TENM2: variants seen among roughly 807,000 people sequenced by gnomAD.
TENM2 encodes the protein teneurin-2.
In TENM2, 52 loss-of-function variants were observed where a neutral mutation model predicts 245.2. That is an observed-to-expected ratio of 0.21 (90% CI 0.17 to 0.27). The LOEUF (loss-of-function observed/expected upper bound fraction) is 0.27, where lower values mean the gene tolerates loss of function less well. TENM2 is among the 10% of genes least tolerant of loss of function. The pLI is 1.00. For synonymous variants in TENM2, 1,363 were observed against 1,438.9 expected (o/e 0.95, Z 1.19); for missense variants, 3,046 against 3,666.8 (o/e 0.83, Z 4.37).
chr5:167,314,644 A>G (rs1756246593), intron 1 of TENM2, among the ~76,000 whole-genome samples: 1 of 152,176 alleles, frequency 6.6e-6, no homozygotes, highest in South Asian at 2.1e-4. Flanking sequence ...CTAGGACATC[A>G]CCATCTAATA....
chr5:167,121,388 A>AAGATG, the TENM2 span, among the ~76,000 whole-genome samples: 2 of 152,208 alleles, frequency 1.3e-5, no homozygotes, highest in Admixed American at 6.5e-5. Flanking sequence ...AATGAGAAGA[A>AAGATG]AGAGCCAGTT....
intron 2 of TENM2, among the ~76,000 whole-genome samples, chr5:167,378,464 C>T (rs1020340567): frequency 6.7e-6 from 1 of 150,282 alleles, no homozygotes; most frequent in Non-Finnish European, 1.5e-5. Context: ...ATTGTGCTGG[C>T]TTGGATTGGG....
the TENM2 span, among the ~76,000 whole-genome samples, chr5:167,168,780 G>C: frequency 6.6e-6 from 1 of 152,122 alleles, no homozygotes. Context: ...TGTTTTTTGA[G>C]ACAGAGTCTC....
chr5:167,237,445 T>G, the TENM2 span, among the ~76,000 whole-genome samples: 2 of 152,326 alleles, frequency 1.3e-5, no homozygotes, highest in African/African-American at 2.4e-5. Flanking sequence ...TGACTACACA[T>G]GTACACATCT....
At chr5:167,050,442 T>C in the TENM2 span, among the ~76,000 whole-genome samples, 2 of 152,098 alleles carry the variant, frequency 1.3e-5, no homozygotes, top group African/African-American at 4.8e-5. Context: ...ATGAAGCTGA[T>C]CCCTGGTGCC....
chr5:167,269,661 A>C, the TENM2 span, among the ~76,000 whole-genome samples: 1 of 152,066 alleles, frequency 6.6e-6, no homozygotes, highest in African/African-American at 2.4e-5. Flanking sequence ...ATCACCCAGT[A>C]CATTGCATTC....
chr5:167,504,651 T>C (rs747200153), intron 2 of TENM2, among the ~76,000 whole-genome samples: 3 of 152,188 alleles, frequency 2.0e-5, no homozygotes, highest in Non-Finnish European at 4.4e-5. Flanking sequence ...GGGGATAGTG[T>C]ATGTGAAATT....
At chr5:167,348,894 T>C (rs1013986013) in intron 1 of TENM2, among the ~76,000 whole-genome samples, 4 of 152,228 alleles carry the variant, frequency 2.6e-5, no homozygotes, top group African/African-American at 7.2e-5. Flanking sequence ...AACTAGTTTA[T>C]TGCATATTCT....
At chr5:167,225,940 G>A in the TENM2 span, among the ~76,000 whole-genome samples, 1 of 151,832 alleles carries the variant, frequency 6.6e-6, no homozygotes, top group Non-Finnish European at 1.5e-5. Context: ...AGGTTTTCTA[G>A]TTTACTAGCA....
chr5:167,680,855 C>A (rs1656980866), intron 2 of TENM2, among the ~76,000 whole-genome samples: 1 of 152,154 alleles, frequency 6.6e-6, no homozygotes, highest in Non-Finnish European at 1.5e-5. Context: ...TGGAGCCTAA[C>A]TCACTGCTTA....
intron 13 of TENM2, among the ~76,000 whole-genome samples, chr5:168,179,134 GAAAAAAA>G (rs35502066): frequency 2.0e-5 from 2 of 99,950 alleles, no homozygotes; most frequent in Non-Finnish European, 3.8e-5. Context: ...GACTCTGCCT[GAAAAAAA>G]AAAAAAAAAA....
intron 2 of TENM2, among the ~76,000 whole-genome samples, chr5:167,783,667 G>A (rs891023571): frequency 2.9e-4 from 44 of 152,186 alleles, no homozygotes; most frequent in African/African-American, 9.6e-4. Flanking sequence ...GGCCTTCTGA[G>A]AACTAGTAGA....
chr5:166,982,437 T>C, the TENM2 span, among the ~76,000 whole-genome samples: 12 of 152,146 alleles, frequency 7.9e-5, no homozygotes. Flanking sequence ...TTTTTCATTG[T>C]TTTCTTTCTG....
chr5:167,088,486 G>A, the TENM2 span, among the ~76,000 whole-genome samples: 1 of 151,972 alleles, frequency 6.6e-6, no homozygotes, highest in Non-Finnish European at 1.5e-5. Flanking sequence ...AATTAGAGGG[G>A]CGTGGTTTTG....
At chr5:168,248,087 G>A (rs776421823) in exon 27 of TENM2, 3 of 1,613,950 alleles carry the variant, frequency 1.9e-6, no homozygotes, top group South Asian at 2.2e-5. Flanking sequence ...AGCATCAACG[G>A]CCTCATGATC....
At chr5:167,527,455 G>C (rs1771199189) in intron 2 of TENM2, among the ~76,000 whole-genome samples, 1 of 151,976 alleles carries the variant, frequency 6.6e-6, no homozygotes, top group African/African-American at 2.4e-5. Flanking sequence ...CTCCTCATGT[G>C]TTGCATTCTC....
chr5:168,211,694 C>G, intron 19 of TENM2, 40 bp from the exon 22 acceptor site: 4 of 1,223,702 alleles, frequency 3.3e-6, no homozygotes, highest in Non-Finnish European at 4.6e-6. Context: ...CTTCTGCTAA[C>G]TGTTTGTTCT....
At chr5:167,193,978 C>T in the TENM2 span, among the ~76,000 whole-genome samples, 5,231 of 151,934 alleles carry the variant, frequency 0.034, 308 homozygotes, top group African/African-American at 0.12. Flanking sequence ...AGGCACTTTG[C>T]CCGAGATTAC....
chr5:167,140,953 G>T, the TENM2 span, among the ~76,000 whole-genome samples: 1 of 152,304 alleles, frequency 6.6e-6, no homozygotes, highest in African/African-American at 2.4e-5. Context: ...CAGTGCTGGG[G>T]TATAGAAACC....
Sources: allele counts gnomAD v4.1 joint callset (sites outside exome capture counted in the v4.1 genomes callset), GRCh38; gene constraint gnomAD v4.1.1; transcripts MANE v1.5; gene names NCBI Gene and HGNC (gene_info 2026-07-23, HGNC 2026-07-21).